XKR6: variants seen among roughly 807,000 people sequenced by gnomAD.
XKR6 encodes XK-related protein 6.
In XKR6, 22 loss-of-function variants were observed where a neutral mutation model predicts 56.7. That is an observed-to-expected ratio of 0.39 (90% CI 0.28 to 0.55). The LOEUF (loss-of-function observed/expected upper bound fraction) is 0.55, where lower values mean the gene tolerates loss of function less well. Among genes scored for constraint, XKR6 ranks in the 20% least tolerant of loss-of-function variants. XKR6 has a pLI of 0.66. For missense variants in XKR6, 852 were observed against 889.0 expected, an observed-to-expected ratio of 0.96 and a Z score of 0.53; for synonymous variants, 524 against 387.8, an observed-to-expected ratio of 1.35 and a Z score of -4.13.
At chr8:10,924,181 G>C (rs1800805652) in intron 2 of XKR6, among the ~76,000 whole-genome samples, 3 of 152,218 alleles carry the variant, frequency 2.0e-5, no homozygotes, top group Admixed American at 2.0e-4. Flanking sequence ...ACATGAGCTT[G>C]GTTTGAAGCA....
At chr8:11,033,843 CA>C (rs1287973165) in intron 1 of XKR6, among the ~76,000 whole-genome samples, 1 of 152,136 alleles carries the variant, frequency 6.6e-6, no homozygotes, top group East Asian at 1.9e-4. Flanking sequence ...ACAAGCTCCC[CA>C]AGTAGTTCTT....
chr8:10,901,461 C>A (rs1301881607), intron 2 of XKR6, among the ~76,000 whole-genome samples: 1 of 152,162 alleles, frequency 6.6e-6, no homozygotes, highest in Non-Finnish European at 1.5e-5. Flanking sequence ...GCATGAGTCA[C>A]CACGCCTTGC....
chr8:11,121,055 TA>T (rs1799428242), intron 1 of XKR6, among the ~76,000 whole-genome samples: 1 of 152,204 alleles, frequency 6.6e-6, no homozygotes, highest in Non-Finnish European at 1.5e-5. Flanking sequence ...ATTAAAGCCT[TA>T]CATGTTAGAC....
chr8:11,134,047 C>G (rs1800255953), intron 1 of XKR6, among the ~76,000 whole-genome samples: 1 of 152,188 alleles, frequency 6.6e-6, no homozygotes, highest in Non-Finnish European at 1.5e-5. Context: ...CCCTGAGCCC[C>G]AGAACGTGCT....
At chr8:11,057,385 G>A (rs1467485019) in intron 1 of XKR6, among the ~76,000 whole-genome samples, 1 of 152,160 alleles carries the variant, frequency 6.6e-6, no homozygotes, top group African/African-American at 2.4e-5. Flanking sequence ...AACAAACAGG[G>A]CCTGACACAA....
intron 2 of XKR6, among the ~76,000 whole-genome samples, chr8:10,922,573 A>T (rs1800753819): frequency 6.6e-6 from 1 of 152,212 alleles, no homozygotes; most frequent in South Asian, 2.1e-4. Flanking sequence ...TGGCACTGAG[A>T]ACAAATGATG....
At chr8:11,151,408 A>G (rs552459330) in intron 1 of XKR6, among the ~76,000 whole-genome samples, 1 of 152,350 alleles carries the variant, frequency 6.6e-6, no homozygotes, top group African/African-American at 2.4e-5. Flanking sequence ...CAGAAAATTG[A>G]TTAAGAGCAA....
chr8:10,966,000 A>T (rs1317210026), intron 1 of XKR6, among the ~76,000 whole-genome samples: 1 of 152,194 alleles, frequency 6.6e-6, no homozygotes, highest in Non-Finnish European at 1.5e-5. Flanking sequence ...CTGAGCTGGG[A>T]TCCTTCTGAG....
intron 1 of XKR6, chr8:11,113,725 G>A (rs1478770220): frequency 6.6e-6 from 1 of 152,074 alleles, no homozygotes; most frequent in East Asian, 1.9e-4. Flanking sequence ...TAAATATTTT[G>A]TTGCTGATTA....
chr8:11,070,866 C>G (rs907470886), intron 1 of XKR6, among the ~76,000 whole-genome samples: 1 of 152,176 alleles, frequency 6.6e-6, no homozygotes, highest in East Asian at 1.9e-4. Flanking sequence ...CCTTCCTGCC[C>G]GCTGCCCCTC....
intron 1 of XKR6, among the ~76,000 whole-genome samples, chr8:11,163,322 T>C (rs1801913887): frequency 6.6e-6 from 1 of 152,210 alleles, no homozygotes; most frequent in Non-Finnish European, 1.5e-5. Context: ...TTATCAAGTA[T>C]ATTTCTATTT....
intron 1 of XKR6, among the ~76,000 whole-genome samples, chr8:11,180,082 T>C (rs1054990231): frequency 7.2e-5 from 11 of 152,008 alleles, no homozygotes; most frequent in African/African-American, 2.7e-4. Flanking sequence ...GAGGTTGCAG[T>C]GAGCTATGAT....
intron 1 of XKR6, among the ~76,000 whole-genome samples, chr8:10,932,905 T>C (rs1801103458): frequency 1.4e-5 from 2 of 142,714 alleles, no homozygotes; most frequent in Admixed American, 1.4e-4. Flanking sequence ...TGTGTCTTTA[T>C]AGCAGCATGA....
At chr8:11,004,228 C>T (rs556145254) in intron 1 of XKR6, among the ~76,000 whole-genome samples, 1 of 152,314 alleles carries the variant, frequency 6.6e-6, no homozygotes, top group African/African-American at 2.4e-5. Context: ...AATCCCAGCA[C>T]TTTGGGAGGC....
chr8:11,064,910 C>G (rs555252124), intron 1 of XKR6, among the ~76,000 whole-genome samples: 2 of 152,154 alleles, frequency 1.3e-5, no homozygotes, highest in Non-Finnish European at 2.9e-5. Context: ...GAAGAAGTGA[C>G]AAAAACCTCA....
intron 1 of XKR6, among the ~76,000 whole-genome samples, chr8:11,064,451 G>C (rs562725678): frequency 8.0e-4 from 121 of 152,108 alleles, no homozygotes; most frequent in African/African-American, 2.8e-3. Flanking sequence ...AGGGAAGAAA[G>C]CCCCAACATC....
At chr8:11,103,921 T>G in intron 1 of XKR6, among the ~76,000 whole-genome samples, 1 of 152,354 alleles carries the variant, frequency 6.6e-6, no homozygotes, top group African/African-American at 2.4e-5. Flanking sequence ...CTTCCACTGT[T>G]GCGGAATTTA....
chr8:11,090,506 G>C (rs976320252), intron 1 of XKR6, among the ~76,000 whole-genome samples: 29 of 152,062 alleles, frequency 1.9e-4, no homozygotes, highest in Admixed American at 2.6e-4. Flanking sequence ...GTCTCAAAGA[G>C]AGTAAACCAG....
chr8:11,131,212 T>C (rs961573062), intron 1 of XKR6, among the ~76,000 whole-genome samples: 5 of 152,184 alleles, frequency 3.3e-5, no homozygotes, highest in African/African-American at 7.2e-5. Flanking sequence ...CATAGCTTTA[T>C]AGTTCCCAGG....
Sources: gnomAD v4.1 joint callset for allele counts (sites outside exome capture counted in the v4.1 genomes callset) on GRCh38, gnomAD v4.1.1 for gene constraint, MANE v1.5 for transcripts, NCBI Gene and HGNC (gene_info 2026-07-23, HGNC 2026-07-21) for gene names.